Variants in HOXA10 observed in about 807,000 individuals in gnomAD.
HOXA10 encodes homeobox protein Hox-A10.
HOXA10 carries 12 observed loss-of-function variants against 29.7 expected under a neutral mutation model. The observed-to-expected ratio is 0.40, with a 90% CI of 0.26 to 0.65. The LOEUF (loss-of-function observed/expected upper bound fraction) is 0.65, where lower values mean the gene tolerates loss of function less well. Ranked by LOEUF, HOXA10 falls within the 30% of genes least tolerant of loss-of-function variation. The pLI, the probability that HOXA10 is intolerant of heterozygous loss-of-function variation, is 0.37. For missense variants in HOXA10, 656 were observed against 585.9 expected (o/e 1.12, Z -1.24); for synonymous variants, 327 against 280.7 (o/e 1.16, Z -1.65).
chr7:27,173,081 A>C (rs1783544214), intron 1 of HOXA10: 5 of 546,392 alleles, frequency 9.2e-6, no homozygotes, highest in South Asian at 4.1e-5. Flanking sequence ...AGCGCACAGG[A>C]GGGGGCCTGC....
Position 27,171,122 on chromosome 7 carries a change from G to C in HOXA10, c.*777C>G. On this transcript the variant is annotated 3_prime_UTR_variant, in exon 2 of 2. Coordinates refer to ENST00000283921, the MANE Select transcript of HOXA10 (RefSeq NM_018951.4). The stretch of plus-strand genomic sequence containing the variant: ...AACAAAACTACATTATTTATCTACA[G>C]CCAGAAGGATATGGAAATTTAGAGG... The C allele has an allele frequency of 2.2e-6, 1 of 452,512 alleles. No homozygotes were observed. The highest frequency in any genetic ancestry group is 4.4e-6 in the Non-Finnish European group (1 of 226,348). 28.0% of individuals were successfully genotyped at this position (452,512 alleles called of 1,614,324 possible). A position where few individuals can be genotyped will look rare whatever the true frequency, so the allele number is the denominator to read the frequency against.
chr7:27,178,654 G>T (rs1438593953), upstream of HOXA10, among the ~76,000 whole-genome samples: 1 of 152,204 alleles, frequency 6.6e-6, no homozygotes, highest in African/African-American at 2.4e-5. Context: ...CATAGTTTGG[G>T]AGCCAGCCTT....
exon 1 of HOXA10, chr7:27,179,687 T>C (rs1189184630): frequency 1.3e-6 from 1 of 777,152 alleles, no homozygotes; most frequent in Non-Finnish European, 2.4e-6. Flanking sequence ...ACAGCTGGCT[T>C]CTCCGCGCGG....
rs1783495151 is a variant in HOXA10, at chr7:27,171,741, CA to C, written c.*157del. ...AACACAAAGAAACAAAAAGTCAGAA[CA>C]AACCAGCCCTGCACAGATGTAACGG... On this transcript the variant is annotated 3_prime_UTR_variant, in exon 2 of 2. Transcript: ENST00000283921. 3.7e-6 allele frequency: 3 copies of C among 815,064 alleles called. No individual in the cohort carries two copies. In the East Asian group the frequency reaches 7.3e-5, roughly 20 times the overall value. 50.5% of individuals were successfully genotyped at this position (815,064 alleles called of 1,614,324 possible). A position where few individuals can be genotyped will look rare whatever the true frequency, so the allele number is the denominator to read the frequency against.
In HOXA10 at chr7:27,173,885, G is replaced by A. The variant is rs200948705; in HGVS notation, c.422C>T (p.Pro141Leu). Reference protein sequence around the residue: ...DGPPPPPQQQPPPPPQPPQPA... With the variant: ...DGPPPPPQQQLPPPPQPPQPA... ...CTGGGGTGGTTGCGGCGGGGGCGGC[G>A]GCTGCTGCTGGGGCGGCGGCGGCGG... The change falls in exon 1 of 2, where the codon CCG (proline) becomes CTG (leucine). Residue 141 changes from proline (P) to leucine (L), a missense_variant. Physicochemically the swap from Pro to Leu is moderately conservative, Grantham distance 98. Coordinates refer to ENST00000283921, the MANE Select transcript of HOXA10 (RefSeq NM_018951.4). 3 of 1,562,990 alleles carry A rather than the reference G, an allele frequency of 1.9e-6. No individual in the cohort carries two copies. The African/African-American group carries it at 4.1e-5, about 22-fold the overall frequency.
chr7:27,173,473 C>T lies in HOXA10; in HGVS notation c.834G>A (p.Leu278=). The change falls in exon 1 of 2, where the codon CTG becomes CTA. Residue 278 remains leucine, a synonymous_variant. Coordinates refer to ENST00000283921, the MANE Select transcript of HOXA10 (RefSeq NM_018951.4). ...GCGAGCCCCCGCCGCTGCCGCAAGC[C>T]AGCGTGGGGGGCGGCGGCGAATCGA... is the stretch of plus-strand genomic sequence containing the variant. The part of the protein sequence containing the change: ...RALDSPPPPT[L]ACGSGGGSQG... 3 of 1,573,878 alleles carry T rather than the reference C, an allele frequency of 1.9e-6. No homozygotes were observed. The highest frequency in any genetic ancestry group is 2.3e-5 in the East Asian group (1 of 42,776).
upstream of HOXA10, among the ~76,000 whole-genome samples, chr7:27,177,615 T>C (rs1161839787): frequency 2.0e-5 from 3 of 152,206 alleles, no homozygotes. Context: ...ACTGGAGTGT[T>C]AGGTTTCTCA....
At chr7:27,176,572 C>A (rs1400350705), upstream of HOXA10, among the ~76,000 whole-genome samples, 1 of 152,230 alleles carries the variant, frequency 6.6e-6, no homozygotes, top group Non-Finnish European at 1.5e-5. Context: ...CAGCACTGCC[C>A]ATGCCTCTCA....
At position 27,174,161 on chromosome 7, in the gene HOXA10, G is replaced by T. The variant is rs780579803; in HGVS notation, c.146C>A (p.Ala49Glu). Residue 49 changes from alanine to glutamate, a missense_variant, in exon 1 of 2, where the codon GCG becomes GAG. Physicochemically the swap from Ala to Glu is moderately radical, Grantham distance 107. Transcript: ENST00000283921. ...RGEAGGGGGG[A>E]GGGGGGGYYA... ...GTAACCGCCACCGCCGCCGCCCCCC[G>T]CGCCACCACCACCGCCGCCTGCCTC... The T allele has an allele frequency of 6.3e-7, 1 of 1,596,226 alleles. No individual in the cohort carries two copies. Among genetic ancestry groups the T allele is most frequent in the Admixed American group, 1.7e-5 (1 of 59,918 alleles).
At position 27,173,938 on chromosome 7, in the gene HOXA10, C is replaced by G; in HGVS notation, c.369G>C (p.Arg123=). The change falls in exon 1 of 2, where the codon CGG becomes CGC. Residue 123 remains arginine, a synonymous_variant. Transcript: ENST00000283921. The part of the protein sequence containing the change: ...SPIDLWLDAP[R]SCRMEPPDGP... ...CGTCAGGCGGCTCCATCCGGCAAGA[C>G]CGGGGCGCGTCTAGCCACAGGTCTA... The G allele has an allele frequency of 6.6e-7, 1 of 1,525,220 alleles. No individual in the cohort carries two copies. Among genetic ancestry groups the G allele is most frequent in the Non-Finnish European group, 8.8e-7 (1 of 1,138,632 alleles). The allele number at this position is 1,525,220 out of a possible 1,614,324, so 94.5% of individuals were successfully genotyped here. A position where few individuals can be genotyped will look rare whatever the true frequency, so the allele number is the denominator to read the frequency against.
upstream of HOXA10, among the ~76,000 whole-genome samples, chr7:27,178,928 C>T (rs910324339): frequency 6.6e-6 from 1 of 152,156 alleles, no homozygotes; most frequent in Non-Finnish European, 1.5e-5. Flanking sequence ...CAAAATTTAT[C>T]CTCGGTTCCA....
intron 1 of HOXA10, 125 bp downstream of exon 1, chr7:27,173,224 C>T: frequency 1.4e-6 from 2 of 1,469,042 alleles, no homozygotes; most frequent in Non-Finnish European, 1.8e-6. Context: ...TTCACAAGGT[C>T]AGCCTGCCTG....
In HOXA10 at chr7:27,174,088, G is replaced by A. The variant is rs1359093917; in HGVS notation, c.219C>T (p.Tyr73=). 2.6e-6 allele frequency: 4 copies of A among 1,566,252 alleles called. No individual in the cohort carries two copies. The highest frequency in any genetic ancestry group is 2.3e-5 in the East Asian group (1 of 43,616). The change falls in exon 1 of 2, where the codon TAC becomes TAT. Residue 73 remains tyrosine (Y), a synonymous_variant. Coordinates refer to ENST00000283921, the MANE Select transcript of HOXA10 (RefSeq NM_018951.4). ...VYLPPAADLP[Y]GLQSCGLFPT... is the part of the protein sequence containing the mutation. ...GGAAGAGCCCGCAGCTCTGCAGCCC[G>A]TAGGGCAGGTCGGCGGCGGGCGGCA...
intron 1 of HOXA10, chr7:27,179,542 C>A: frequency 1.4e-6 from 1 of 722,414 alleles, no homozygotes; most frequent in South Asian, 1.5e-5. Context: ...CCTACCGCGT[C>A]ACCCCACAAA....
exon 1 of HOXA10, chr7:27,179,774 T>C (rs1055583019): frequency 2.8e-6 from 2 of 713,444 alleles, no homozygotes; most frequent in Non-Finnish European, 5.2e-6. Context: ...GAGTCCCCTT[T>C]TTCTGTTATG....
At position 27,173,706 on chromosome 7, in the gene HOXA10, C is replaced by A. The variant is rs758334867; in HGVS notation, c.601G>T (p.Ala201Ser). The change falls in exon 1 of 2, where the codon GCC becomes TCC. Residue 201 changes from alanine to serine, a missense_variant. Physicochemically the swap from Ala to Ser is moderately conservative, Grantham distance 99. Around this residue, in one of 2 missense-constraint regions of HOXA10, gnomAD observed 594 missense variants for 491.9 expected, o/e 1.21. Transcript: ENST00000283921. Reference protein sequence around the residue: ...FPRGPPPDGCALGTSSGVPVP... With the variant: ...FPRGPPPDGCSLGTSSGVPVP... ...GGCACCCCGCTGGAGGTGCCCAGGG[C>A]GCAGCCGTCGGGCGGCGGGCCCCGC... is the stretch of plus-strand genomic sequence containing the variant. 26 of 1,572,616 alleles carry A rather than the reference C, an allele frequency of 1.7e-5. No individual in the cohort carries two copies. Among genetic ancestry groups the A allele is most frequent in the Non-Finnish European group, 2.2e-5 (25 of 1,159,866 alleles).
exon 1 of HOXA10, chr7:27,179,805 A>G: frequency 2.8e-6 from 2 of 703,390 alleles, no homozygotes; most frequent in Admixed American, 2.0e-5. Flanking sequence ...GGACAAGTGA[A>G]ATAATGTACC....
upstream of HOXA10, among the ~76,000 whole-genome samples, chr7:27,178,779 T>C (rs971155728): frequency 2.6e-5 from 4 of 152,180 alleles, no homozygotes; most frequent in East Asian, 7.7e-4. Context: ...AAGAAAAAGA[T>C]GTGGGAAACT....
At chr7:27,173,241 G>C (rs376647030) in intron 1 of HOXA10, 108 bp downstream of exon 1, 1 of 1,533,390 alleles carries the variant, frequency 6.5e-7, no homozygotes, top group Non-Finnish European at 8.8e-7. Flanking sequence ...CCTGCAGCTT[G>C]GGCCAAGGCC....
Sources: gnomAD v4.1 joint callset for allele counts (sites outside exome capture counted in the v4.1 genomes callset) on GRCh38, gnomAD v4.1.1 for gene constraint, gnomAD v4.1.1 regional missense constraint, MANE v1.5 for transcripts, NCBI Gene and HGNC (gene_info 2026-07-23, HGNC 2026-07-21) for gene names.